The following SND1 variants were observed in gnomAD, a reference collection of about 807,000 sequenced individuals.
SND1 encodes the protein staphylococcal nuclease and tudor domain containing 1.
SND1 carries 38 observed loss-of-function variants against 121.7 expected under a neutral mutation model. The ratio of observed to expected loss-of-function variants is 0.31; its 90% CI spans 0.24 to 0.41. SND1 has a LOEUF of 0.41. Ranked by LOEUF, SND1 falls within the 10% of genes least tolerant of loss-of-function variation. SND1 has a pLI of 1.00. For missense variants in SND1, 868 were observed against 1,184.6 expected (o/e 0.73, Z 3.92); for synonymous variants, 401 against 447.4 (o/e 0.90, Z 1.31).
At chr7:127,908,317 A>AGTGT in intron 14 of SND1, among the ~76,000 whole-genome samples, 1 of 78,730 alleles carries the variant, frequency 1.3e-5, no homozygotes, top group South Asian at 5.0e-4. Flanking sequence ...AATAATAATA[A>AGTGT]ATGTGTGTGT....
chr7:127,734,018 C>T (rs1367967954), intron 10 of SND1, among the ~76,000 whole-genome samples: 1 of 152,040 alleles, frequency 6.6e-6, no homozygotes, highest in African/African-American at 2.4e-5. Flanking sequence ...TGCACTTCAG[C>T]TTGAGAACCA....
At position 128,029,723 on chromosome 7, in the gene SND1, A is replaced by G. The variant is rs768614598; in HGVS notation, c.1779+38667A>G. The G allele has an allele frequency of 2.5e-6, 4 of 1,614,134 alleles. No homozygotes were observed. The South Asian group carries it at 4.4e-5, about 18-fold the overall frequency. On this transcript the variant is annotated intron_variant, in intron 16 of 23. Transcript: ENST00000354725. This position sits in a 1 kb window ranked among gnomAD's most constrained non-coding sequence, Gnocchi z 4.2. ...GCCACCAGGCTAGCCACAGAATGTC[A>G]CAATCACAGTTCCAAGGGTTGTGGT...
chr7:127,731,448 G>A (rs566476360), intron 10 of SND1, among the ~76,000 whole-genome samples: 2 of 152,270 alleles, frequency 1.3e-5, no homozygotes, highest in African/African-American at 2.4e-5. Context: ...CCGGCTCAAC[G>A]TTTTCCTCAG....
At chr7:127,830,716 G>A (rs1399051680) in intron 11 of SND1, among the ~76,000 whole-genome samples, 1 of 152,096 alleles carries the variant, frequency 6.6e-6, no homozygotes, top group East Asian at 1.9e-4. Context: ...AATATGAGGG[G>A]TTTGGTTAAC....
chr7:127,681,559 A>G (rs967899754), intron 1 of SND1, among the ~76,000 whole-genome samples: 1 of 152,214 alleles, frequency 6.6e-6, no homozygotes, highest in Non-Finnish European at 1.5e-5. Context: ...ACCATCACCT[A>G]ATGCAAGGCC....
intron 15 of SND1, among the ~76,000 whole-genome samples, chr7:127,959,265 C>T (rs1248915467): frequency 1.3e-5 from 2 of 152,194 alleles, no homozygotes; most frequent in Non-Finnish European, 2.9e-5. Flanking sequence ...AGCCAGATCC[C>T]TATCATCATG....
At chr7:127,919,194 T>C (rs1364938507) in intron 14 of SND1, among the ~76,000 whole-genome samples, 1 of 152,204 alleles carries the variant, frequency 6.6e-6, no homozygotes, top group African/African-American at 2.4e-5. Flanking sequence ...TTTTAGCCAT[T>C]TAGCCTTTAC....
chr7:127,693,029 G>A (rs1332682376), intron 2 of SND1, among the ~76,000 whole-genome samples: 2 of 152,152 alleles, frequency 1.3e-5, no homozygotes, highest in Non-Finnish European at 2.9e-5. Context: ...TCTTATCAGA[G>A]CTTTTCCAAG....
At chr7:127,703,980 G>A (rs1331428719) in intron 7 of SND1, among the ~76,000 whole-genome samples, 1 of 152,180 alleles carries the variant, frequency 6.6e-6, no homozygotes, top group Non-Finnish European at 1.5e-5. Context: ...AGTATTGGTA[G>A]ATCAATGATG....
chr7:127,867,097 G>A (rs892323484), intron 12 of SND1, among the ~76,000 whole-genome samples: 3 of 151,862 alleles, frequency 2.0e-5, no homozygotes, highest in Admixed American at 1.3e-4. Flanking sequence ...TCTCTTCATA[G>A]CCAAGTTAAT....
chr7:127,890,167 T>C (rs2116735368), intron 13 of SND1, among the ~76,000 whole-genome samples: 1 of 152,256 alleles, frequency 6.6e-6, no homozygotes, highest in East Asian at 1.9e-4. Flanking sequence ...GGCTCCCTTT[T>C]CTCCACATCC....
intron 10 of SND1, among the ~76,000 whole-genome samples, chr7:127,760,795 T>C (rs1021974200): frequency 1.3e-5 from 2 of 152,160 alleles, no homozygotes; most frequent in Non-Finnish European, 2.9e-5. Context: ...TTTCCTTTCT[T>C]TACTTAAGTT....
chr7:127,811,558 G>A (rs954236021), intron 11 of SND1, among the ~76,000 whole-genome samples: 6 of 152,004 alleles, frequency 3.9e-5, no homozygotes, highest in African/African-American at 9.7e-5. Flanking sequence ...TCCAGTGCAC[G>A]GCGCCTACCT....
chr7:127,878,367 C>CT (rs1209441244), intron 12 of SND1, among the ~76,000 whole-genome samples: 1 of 152,168 alleles, frequency 6.6e-6, no homozygotes, highest in Non-Finnish European at 1.5e-5. Context: ...TTTATTTGCT[C>CT]TAAGTTCCAT....
At chr7:127,710,007 A>G (rs1796270741) in intron 9 of SND1, among the ~76,000 whole-genome samples, 2 of 151,870 alleles carry the variant, frequency 1.3e-5, no homozygotes, top group East Asian at 1.9e-4. Flanking sequence ...TTTTTTTAAC[A>G]AAGTTGATCA....
intron 16 of SND1, among the ~76,000 whole-genome samples, chr7:128,038,805 C>T (rs892619302): frequency 6.6e-6 from 1 of 152,054 alleles, no homozygotes; most frequent in African/African-American, 2.4e-5. Flanking sequence ...AACCACAGAA[C>T]ATTTATTCAA....
chr7:128,084,078 C>T (rs1052759958), intron 18 of SND1, among the ~76,000 whole-genome samples: 2 of 152,210 alleles, frequency 1.3e-5, no homozygotes, highest in Non-Finnish European at 2.9e-5. Flanking sequence ...ACTGGAAGTC[C>T]TGTTCAGCAT....
chr7:127,675,514 G>T (rs952321508), intron 1 of SND1, among the ~76,000 whole-genome samples: 1 of 152,084 alleles, frequency 6.6e-6, no homozygotes, highest in Non-Finnish European at 1.5e-5. Flanking sequence ...CTGTCTTTAT[G>T]CTTTGTTTTC....
chr7:127,791,668 T>C (rs1303967496), intron 10 of SND1, among the ~76,000 whole-genome samples: 1 of 152,224 alleles, frequency 6.6e-6, no homozygotes, highest in African/African-American at 2.4e-5. Flanking sequence ...GCTCCACTTA[T>C]TTTTGACAGC....
Sources: gnomAD v4.1 joint callset for allele counts (sites outside exome capture counted in the v4.1 genomes callset) on GRCh38, gnomAD v4.1.1 for gene constraint, Gnocchi (gnomAD v3.1) non-coding constraint, MANE v1.5 for transcripts, NCBI Gene and HGNC (gene_info 2026-07-23, HGNC 2026-07-21) for gene names.